The following CCDC178 variants were observed in gnomAD, a reference collection of about 807,000 sequenced individuals.
CCDC178 encodes coiled-coil domain-containing protein 178.
CCDC178 carries 126 observed loss-of-function variants against 117.4 expected under a neutral mutation model. That is an observed-to-expected ratio of 1.07 (90% CI 0.93 to 1.24). The LOEUF is 1.24. Ranked by LOEUF, CCDC178 falls within the 50% of genes most tolerant of loss-of-function variation. The pLI is 0.00. For missense variants in CCDC178, 1,030 were observed against 986.9 expected (o/e 1.04, Z -0.59); for synonymous variants, 283 against 313.4 (o/e 0.90, Z 1.02).
At chr18:33,371,784 T>TATAC (rs369419194) in intron 5 of CCDC178, among the ~76,000 whole-genome samples, 90 of 144,308 alleles carry the variant, frequency 6.2e-4, no homozygotes, top group South Asian at 2.3e-3. Context: ...TAAACATATA[T>TATAC]ACACACACAC....
rs772058747 is a variant in CCDC178, at chr18:33,328,098, T to G, written c.880-4465A>C. On this transcript the variant is annotated intron_variant, in intron 10 of 22. Transcript: ENST00000383096. ...TTATCCCTAGATTTTTTTTTTTTTT[T>G]TTTTTTTTTTTTTTTTTTTTTTGAG... is the stretch of plus-strand genomic sequence containing the variant. 602 of 171,818 alleles carry G rather than the reference T, an allele frequency of 3.5e-3. 2 individuals carry two copies. Among genetic ancestry groups the G allele is most frequent in the Non-Finnish European group, 4.4e-3 (460 of 103,834 alleles). 10.6% of individuals were successfully genotyped at this position (171,818 alleles called of 1,614,324 possible).
At chr18:33,201,094 A>AC (rs1324583392) in intron 20 of CCDC178, among the ~76,000 whole-genome samples, 1 of 152,198 alleles carries the variant, frequency 6.6e-6, no homozygotes, top group African/African-American at 2.4e-5. Flanking sequence ...CAGACCCTGG[A>AC]AGGCTCACAG....
chr18:33,385,582 G>T (rs1013335718), intron 5 of CCDC178, among the ~76,000 whole-genome samples: 1 of 152,024 alleles, frequency 6.6e-6, no homozygotes, highest in Admixed American at 6.6e-5. Context: ...ACAACTACAT[G>T]GAAACTGAAC....
intron 12 of CCDC178, among the ~76,000 whole-genome samples, chr18:33,292,167 T>C (rs1393373993): frequency 1.3e-5 from 2 of 152,144 alleles, no homozygotes; most frequent in Non-Finnish European, 2.9e-5. Context: ...AAACCTAAGA[T>C]ATGAAATCAA....
intron 9 of CCDC178, among the ~76,000 whole-genome samples, chr18:33,341,389 G>T (rs1470578755): frequency 6.6e-6 from 1 of 152,156 alleles, no homozygotes; most frequent in East Asian, 1.9e-4. Flanking sequence ...GTGGACTTTT[G>T]GGTTAATGCT....
At chr18:33,073,054 A>G (rs1461553859) in intron 21 of CCDC178, among the ~76,000 whole-genome samples, 1 of 152,072 alleles carries the variant, frequency 6.6e-6, no homozygotes, top group African/African-American at 2.4e-5. Context: ...AAATCTCATA[A>G]AATTTATTTC....
At chr18:33,151,247 A>G (rs939952524) in intron 20 of CCDC178, among the ~76,000 whole-genome samples, 2 of 152,182 alleles carry the variant, frequency 1.3e-5, no homozygotes, top group African/African-American at 4.8e-5. Context: ...TGAAACATAA[A>G]TAGCAATAAA....
chr18:33,244,616 C>T (rs1417227285), intron 15 of CCDC178, among the ~76,000 whole-genome samples: 1 of 151,838 alleles, frequency 6.6e-6, no homozygotes, highest in Non-Finnish European at 1.5e-5. Context: ...ACTGAGGCCT[C>T]CCCAGCCATG....
At chr18:33,205,719 C>T (rs948694082) in intron 20 of CCDC178, among the ~76,000 whole-genome samples, 6 of 152,170 alleles carry the variant, frequency 3.9e-5, no homozygotes, top group African/African-American at 7.2e-5. Context: ...ATTTGAGATA[C>T]GTGTTCACTC....
At chr18:32,943,224 A>G (rs771832472) in intron 22 of CCDC178, among the ~76,000 whole-genome samples, 4 of 152,208 alleles carry the variant, frequency 2.6e-5, no homozygotes, top group African/African-American at 9.6e-5. Flanking sequence ...TATATATAAC[A>G]AAGTGATAGT....
At chr18:33,170,943 T>C (rs2058591906) in intron 20 of CCDC178, among the ~76,000 whole-genome samples, 1 of 152,246 alleles carries the variant, frequency 6.6e-6, no homozygotes, top group Admixed American at 6.5e-5. Context: ...CTTTATGTTA[T>C]GGTTTCTCTA....
chr18:33,014,057 G>A (rs2055928912), intron 21 of CCDC178, among the ~76,000 whole-genome samples: 1 of 152,198 alleles, frequency 6.6e-6, no homozygotes, highest in Non-Finnish European at 1.5e-5. Context: ...CTGAATTTCT[G>A]TAAAAATTGT....
At chr18:32,999,847 C>T (rs1047319198) in intron 21 of CCDC178, among the ~76,000 whole-genome samples, 22 of 151,982 alleles carry the variant, frequency 1.4e-4, no homozygotes, top group African/African-American at 4.8e-4. Flanking sequence ...TGTCCAAGTC[C>T]ATTCAAATGC....
intron 11 of CCDC178, among the ~76,000 whole-genome samples, chr18:33,305,428 G>A (rs1180450151): frequency 4.6e-5 from 7 of 152,264 alleles, no homozygotes; most frequent in East Asian, 3.9e-4. Context: ...GCACAAGGTC[G>A]TGGTCCTGTA....
intron 20 of CCDC178, among the ~76,000 whole-genome samples, chr18:33,185,693 G>A (rs578233134): frequency 6.6e-6 from 1 of 152,128 alleles, no homozygotes; most frequent in East Asian, 1.9e-4. Flanking sequence ...GATATATTTA[G>A]TAAAAGGGGA....
At chr18:33,412,694 AAAAAATTTTT>A (rs1322476586) in intron 2 of CCDC178, among the ~76,000 whole-genome samples, 1 of 152,134 alleles carries the variant, frequency 6.6e-6, no homozygotes, top group Non-Finnish European at 1.5e-5. Flanking sequence ...TAAATATTTC[AAAAAATTTTT>A]AAACATAGCC....
At chr18:33,022,341 C>A (rs2056139274) in intron 21 of CCDC178, among the ~76,000 whole-genome samples, 1 of 152,148 alleles carries the variant, frequency 6.6e-6, no homozygotes, top group African/African-American at 2.4e-5. Flanking sequence ...TATAAGTAGA[C>A]TTAACACACT....
intron 21 of CCDC178, among the ~76,000 whole-genome samples, chr18:33,092,244 T>C (rs1471928833): frequency 6.6e-6 from 1 of 152,164 alleles, no homozygotes; most frequent in Non-Finnish European, 1.5e-5. Flanking sequence ...GCATATTGTG[T>C]GCTTTACCTT....
intron 20 of CCDC178, among the ~76,000 whole-genome samples, chr18:33,199,350 C>G (rs1424340528): frequency 6.6e-6 from 1 of 152,172 alleles, no homozygotes; most frequent in Non-Finnish European, 1.5e-5. Context: ...CAATGGTCTC[C>G]TGGTCATTTT....
Sources: gnomAD v4.1 joint callset for allele counts (sites outside exome capture counted in the v4.1 genomes callset) on GRCh38, gnomAD v4.1.1 for gene constraint, MANE v1.5 for transcripts, NCBI Gene and HGNC (gene_info 2026-07-23, HGNC 2026-07-21) for gene names.